Variants in KLHL20 observed in about 807,000 individuals in gnomAD.
KLHL20 encodes the protein kelch-like protein 20.
KLHL20 carries 29 observed loss-of-function variants against 69.5 expected under a neutral mutation model. The ratio of observed to expected loss-of-function variants is 0.42; its 90% CI spans 0.31 to 0.57. The LOEUF is 0.57. KLHL20 is among the 20% of genes least tolerant of loss of function. The pLI is 0.18. For synonymous variants in KLHL20, 253 were observed against 265.2 expected, an observed-to-expected ratio of 0.95 and a Z score of 0.45; for missense variants, 419 against 776.0, an observed-to-expected ratio of 0.54 and a Z score of 5.47.
intron 7 of KLHL20, among the ~76,000 whole-genome samples, chr1:173,762,199 A>G (rs2102514230): frequency 6.6e-6 from 1 of 152,270 alleles, no homozygotes; most frequent in South Asian, 2.1e-4. Flanking sequence ...GAACAGACCA[A>G]TAACAAGCAG....
chr1:173,725,286 T>C (rs372815160), intron 2 of KLHL20, among the ~76,000 whole-genome samples: 5 of 152,244 alleles, frequency 3.3e-5, no homozygotes, highest in African/African-American at 1.2e-4. Flanking sequence ...ATGCGTGGTT[T>C]ACCCTAAAGC....
In KLHL20 at chr1:173,774,288, GGT is replaced by G; in HGVS notation, c.1296-16_1296-15del. 6.2e-7 allele frequency: 1 copy of G among 1,614,072 alleles called. No homozygotes were observed. Among genetic ancestry groups the G allele is most frequent in the South Asian group, 1.1e-5 (1 of 91,076 alleles). Reference sequence around the variant, plus strand: ...CTTAATAAGAACAAGCATACAGTCTGGTTTCCCTCACTGCAGGTATGATCCGA... The same window carrying G: ...CTTAATAAGAACAAGCATACAGTCTGTTCCCTCACTGCAGGTATGATCCGA... On this transcript the variant is annotated splice_polypyrimidine_tract_variant and intron_variant, in intron 8 of 11. Transcript: ENST00000209884.
chr1:173,774,740 C>CAAAA (rs10631783), intron 9 of KLHL20, among the ~76,000 whole-genome samples: 73,882 of 151,742 alleles, frequency 0.49, 20,415 homozygotes, highest in African/African-American at 0.76. Flanking sequence ...AACTTCTCCT[C>CAAAA]AAAACCACAA....
intron 3 of KLHL20, among the ~76,000 whole-genome samples, chr1:173,746,989 T>C (rs899610966): frequency 6.6e-6 from 1 of 151,982 alleles, no homozygotes; most frequent in African/African-American, 2.4e-5. Context: ...TAGTTTTTTT[T>C]AATTTCTAGA....
At chr1:173,721,412 A>G (rs12079315) in intron 2 of KLHL20, among the ~76,000 whole-genome samples, 3 of 152,164 alleles carry the variant, frequency 2.0e-5, no homozygotes, top group East Asian at 1.9e-4. Flanking sequence ...TCTTCCGTCT[A>G]CTATAGACAC....
intron 3 of KLHL20, among the ~76,000 whole-genome samples, chr1:173,750,755 C>A (rs571559699): frequency 3.3e-4 from 50 of 152,060 alleles, no homozygotes; most frequent in Admixed American, 7.2e-4. Flanking sequence ...GAAATAAGTT[C>A]TCACTATGTT....
intron 8 of KLHL20, among the ~76,000 whole-genome samples, chr1:173,773,855 T>C (rs7542780): frequency 0.027 from 4,087 of 151,728 alleles, 179 homozygotes; most frequent in African/African-American, 0.089. Flanking sequence ...CTACTAAAAA[T>C]ACAAAAAATT....
intron 9 of KLHL20, 39 bp downstream of exon 9, chr1:173,774,477 A>C: frequency 6.2e-7 from 1 of 1,611,714 alleles, no homozygotes; most frequent in Non-Finnish European, 8.5e-7. Context: ...CCCCAAAAGC[A>C]GAACATTTTC....
intron 2 of KLHL20, among the ~76,000 whole-genome samples, chr1:173,731,662 A>G (rs1471526492): frequency 2.0e-5 from 3 of 149,740 alleles, no homozygotes; most frequent in Non-Finnish European, 4.4e-5. Context: ...GTGGGAATTG[A>G]ACAATGAGAA....
At chr1:173,730,502 G>A (rs1672215700) in intron 2 of KLHL20, among the ~76,000 whole-genome samples, 1 of 152,038 alleles carries the variant, frequency 6.6e-6, no homozygotes, top group Non-Finnish European at 1.5e-5. Flanking sequence ...AAACAGCATG[G>A]TACTGGTACC....
chr1:173,775,708 T>G lies in KLHL20; in HGVS notation c.1504T>G (p.Cys502Gly). 6.2e-7 allele frequency: 1 copy of G among 1,614,206 alleles called. No individual in the cohort carries two copies. The highest frequency in any genetic ancestry group is 8.5e-7 in the Non-Finnish European group (1 of 1,180,032). The stretch of plus-strand genomic sequence containing the variant: ...GGGGACCCGGAGGAAACACCTAGGC[T>G]GTGCAGTATATCAGGACATGATCTA... The part of the protein sequence containing the change: ...PMGTRRKHLG[C>G]AVYQDMIYAV... Residue 502 changes from cysteine (C) to glycine (G), a missense_variant, in exon 10 of 12, where the codon TGT becomes GGT. By Grantham distance (159) the Cys-to-Gly change is radical. Transcript: ENST00000209884.
chr1:173,739,198 G>T (rs990574933), intron 3 of KLHL20, among the ~76,000 whole-genome samples: 1 of 151,870 alleles, frequency 6.6e-6, no homozygotes, highest in African/African-American at 2.4e-5. Context: ...TTAGCCTCCC[G>T]AGTATCTGGA....
chr1:173,755,811 G>A, intron 5 of KLHL20, 112 bp from the exon 6 acceptor site: 1 of 642,636 alleles, frequency 1.6e-6, no homozygotes, highest in Non-Finnish European at 2.7e-6. Context: ...TCATGATTTG[G>A]TTTGATTTAT....
In KLHL20 at chr1:173,733,969, C is replaced by G; in HGVS notation, c.280C>G (p.Arg94Gly). The change falls in exon 3 of 12, where the codon CGA becomes GGA. Residue 94 changes from arginine to glycine, a missense_variant. Arg to Gly is a moderately radical substitution (Grantham distance 125). Around this residue, in one of 6 missense-constraint regions of KLHL20, gnomAD observed 129 missense variants for 183.6 expected, o/e 0.70. Coordinates refer to ENST00000209884, the MANE Select transcript of KLHL20 (RefSeq NM_014458.4). Reference sequence around the variant, plus strand: ...TTTGTCAGCCTGTAGTCCCTACTTCCGAGCTATGTTTACAGGAGAATTGGC... The same window carrying G: ...TTTGTCAGCCTGTAGTCCCTACTTCGGAGCTATGTTTACAGGAGAATTGGC... ...VILSACSPYF[R>G]AMFTGELAES... is the part of the protein sequence containing the mutation. The G allele has an allele frequency of 1.2e-6, 2 of 1,614,124 alleles. No individual in the cohort carries two copies. The highest frequency in any genetic ancestry group is 1.7e-6 in the Non-Finnish European group (2 of 1,180,032).
chr1:173,758,970 C>A (rs1673675007), intron 7 of KLHL20, among the ~76,000 whole-genome samples: 1 of 152,142 alleles, frequency 6.6e-6, no homozygotes, highest in Admixed American at 6.5e-5. Flanking sequence ...AGGCGGATAG[C>A]CTGGGGCAAG....
chr1:173,715,118 A>G (rs1249389646), intron 1 of KLHL20, 40 bp downstream of exon 1: 6 of 152,490 alleles, frequency 3.9e-5, no homozygotes, highest in Non-Finnish European at 7.3e-5. Flanking sequence ...GACAGCGGAC[A>G]GCGCCCCAGG....
At chr1:173,722,864 A>G (rs1201100540) in intron 2 of KLHL20, among the ~76,000 whole-genome samples, 5 of 151,838 alleles carry the variant, frequency 3.3e-5, no homozygotes, top group Non-Finnish European at 7.4e-5. Flanking sequence ...TAATTTTTGT[A>G]TTTTTAGTAG....
chr1:173,731,567 T>G (rs1338576097), intron 2 of KLHL20, among the ~76,000 whole-genome samples: 1 of 152,102 alleles, frequency 6.6e-6, no homozygotes, highest in African/African-American at 2.4e-5. Flanking sequence ...GTCCTTTGTA[T>G]GGACATGGAT....
In KLHL20 at chr1:173,774,427, C is replaced by T; in HGVS notation, c.1418C>T (p.Pro473Leu). ...GTAGGTGGCTCTGACGGGACATCTCCTCTCAACACAGGTTAGTCCCTCCCA... is the reference window on the plus strand; with the variant it reads ...GTAGGTGGCTCTGACGGGACATCTCTTCTCAACACAGGTTAGTCCCTCCCA... ...YAVGGSDGTS[P>L]LNTVERYNPQ... Residue 473 changes from proline (P) to leucine (L), a missense_variant, in exon 9 of 12, where the codon CCT (proline) becomes CTT (leucine). By Grantham distance (98) the Pro-to-Leu change is moderately conservative. Coordinates refer to ENST00000209884, the MANE Select transcript of KLHL20 (RefSeq NM_014458.4). 1 of 1,614,124 alleles carries T rather than the reference C, an allele frequency of 6.2e-7. No individual in the cohort carries two copies. The highest frequency in any genetic ancestry group is 8.5e-7 in the Non-Finnish European group (1 of 1,180,008).
Sources: allele counts gnomAD v4.1 joint callset (sites outside exome capture counted in the v4.1 genomes callset), GRCh38; gene constraint gnomAD v4.1.1; regional missense constraint gnomAD v4.1.1; transcripts MANE v1.5; gene names NCBI Gene and HGNC (gene_info 2026-07-23, HGNC 2026-07-21).